Variants in XRN2 observed in about 807,000 individuals in gnomAD.
The protein encoded by XRN2 is DHM1-like protein.
A neutral mutation model predicts 138.5 loss-of-function variants in XRN2; 44 were observed. The ratio of observed to expected loss-of-function variants is 0.32; its 90% CI spans 0.25 to 0.41. XRN2 has a LOEUF of 0.41. Among genes scored for constraint, XRN2 ranks in the 10% least tolerant of loss-of-function variants. The probability of loss-of-function intolerance (pLI) is 1.00; values close to 1 mark genes in which losing one functional copy is unlikely to be tolerated. For synonymous variants in XRN2, 354 were observed against 369.4 expected (o/e 0.96, Z 0.48); for missense variants, 937 against 1,169.3 (o/e 0.80, Z 2.90).
At chr20:21,381,497 G>A (rs1042853643) in intron 27 of XRN2, among the ~76,000 whole-genome samples, 1 of 152,090 alleles carries the variant, frequency 6.6e-6, no homozygotes, top group East Asian at 1.9e-4. Flanking sequence ...TGTTTTCTTG[G>A]TTTGTGTTGG....
At chr20:21,304,681 C>G (rs2037790883) in intron 1 of XRN2, among the ~76,000 whole-genome samples, 1 of 152,114 alleles carries the variant, frequency 6.6e-6, no homozygotes, top group African/African-American at 2.4e-5. Flanking sequence ...CTATTCAGCC[C>G]TCCCTCTATA....
intron 15 of XRN2, among the ~76,000 whole-genome samples, chr20:21,343,875 T>A (rs1407491893): frequency 1.3e-5 from 2 of 152,110 alleles, no homozygotes; most frequent in Non-Finnish European, 2.9e-5. Context: ...GTTTTTAGTT[T>A]AAGCATAGAA....
intron 20 of XRN2, among the ~76,000 whole-genome samples, chr20:21,350,101 C>G (rs1477291891): frequency 1.3e-5 from 2 of 152,166 alleles, no homozygotes; most frequent in Non-Finnish European, 2.9e-5. Context: ...TGATGTTGAT[C>G]ATTACTTTTC....
At chr20:21,320,697 C>T (rs932276258) in intron 1 of XRN2, among the ~76,000 whole-genome samples, 2 of 152,026 alleles carry the variant, frequency 1.3e-5, no homozygotes, top group Non-Finnish European at 2.9e-5. Context: ...CGGGTTCAAG[C>T]GATTCTCCTG....
Position 21,356,789 on chromosome 20 carries a change from A to G in XRN2, c.2198+124A>G, listed in dbSNP as rs1164073805. ...AAAATTGTATTTAAAATAAGACAAA[A>G]CCTTGCTGACTGAAAAATGCTTGGG... On this transcript the variant is annotated intron_variant, in intron 23 of 29. Transcript: ENST00000377191. 3.5e-6 allele frequency: 3 copies of G among 854,522 alleles called. No individual in the cohort carries two copies. In the African/African-American group the frequency reaches 5.2e-5, roughly 15 times the overall value. 52.9% of individuals were successfully genotyped at this position (854,522 alleles called of 1,614,324 possible).
At chr20:21,351,219 TA>T (rs2038506707) in intron 20 of XRN2, among the ~76,000 whole-genome samples, 1 of 152,214 alleles carries the variant, frequency 6.6e-6, no homozygotes, top group Non-Finnish European at 1.5e-5. Context: ...AAAAGTGAGA[TA>T]ATGTACAAGA....
intron 1 of XRN2, among the ~76,000 whole-genome samples, chr20:21,312,739 T>C (rs1373994805): frequency 6.6e-6 from 1 of 151,794 alleles, no homozygotes; most frequent in Non-Finnish European, 1.5e-5. Context: ...CCCAAATAAC[T>C]GGGACAACCA....
chr20:21,365,607 GA>G lies in XRN2; in HGVS notation c.2364del (p.Lys788AsnfsTer34). On this transcript the variant is annotated frameshift_variant, in exon 26 of 30. Transcript: ENST00000377191. LOFTEE classifies it high-confidence loss of function. Reference sequence around the variant, plus strand: ...AGCAGTACTGAAACCTAGTGACTGGGAAAAATCCAGCAATGGACGGCAGTGG... The same window carrying G: ...AGCAGTACTGAAACCTAGTGACTGGGAAAATCCAGCAATGGACGGCAGTGG... ...PAAVLKPSDW[E>X]KSSNGRQWKP... The G allele has an allele frequency of 6.2e-7, 1 of 1,613,258 alleles. No individual in the cohort carries two copies. Among genetic ancestry groups the G allele is most frequent in the East Asian group, 2.2e-5 (1 of 44,824 alleles).
At chr20:21,360,375 C>T (rs922800851) in intron 24 of XRN2, among the ~76,000 whole-genome samples, 13 of 151,966 alleles carry the variant, frequency 8.6e-5, no homozygotes, top group South Asian at 6.2e-4. Flanking sequence ...CATAGCCTGC[C>T]GTTTATTGCT....
rs2037806348 is a variant in XRN2 at position 21,305,627 on chromosome 20, T to C, written c.75+2154T>C. On this transcript the variant is annotated intron_variant, in intron 1 of 29. Transcript: ENST00000377191. ...GCCATGTTGGCTATGCTGGTCTCTG[T>C]CCTGACCACACGTGATCCGCCTCCC... Among the ~76,000 whole-genome samples the C allele has an allele frequency of 3.1e-5, 2 of 64,782 alleles. 1 individual carries two copies. The highest frequency in any genetic ancestry group is 7.0e-5 in the Non-Finnish European group (2 of 28,548). The allele number at this position is 64,782 out of a possible 152,430, so 42.5% of individuals were successfully genotyped here.
intron 1 of XRN2, among the ~76,000 whole-genome samples, chr20:21,310,068 CTG>C (rs1261557910): frequency 5.3e-5 from 8 of 152,178 alleles, no homozygotes; most frequent in African/African-American, 1.9e-4. Flanking sequence ...TTCTTCCTCT[CTG>C]ATATAGATCT....
chr20:21,379,945 G>A (rs963462803), intron 27 of XRN2, among the ~76,000 whole-genome samples: 1 of 152,132 alleles, frequency 6.6e-6, no homozygotes, highest in East Asian at 1.9e-4. Context: ...GTTTCTGAAG[G>A]TTTCTCTTAA....
intron 20 of XRN2, 91 bp downstream of exon 20, chr20:21,349,552 G>C (rs1197416779): frequency 9.3e-7 from 1 of 1,079,660 alleles, no homozygotes; most frequent in East Asian, 2.5e-5. Context: ...ATTTTAGCCT[G>C]GGCAACATGG....
intron 28 of XRN2, among the ~76,000 whole-genome samples, chr20:21,383,867 A>G (rs1163074571): frequency 6.6e-5 from 10 of 152,362 alleles, no homozygotes; most frequent in African/African-American, 2.2e-4. Context: ...GATACTTAAA[A>G]TTATGCCTGA....
intron 29 of XRN2, among the ~76,000 whole-genome samples, chr20:21,388,772 C>T (rs6082404): frequency 6.6e-6 from 1 of 152,180 alleles, no homozygotes; most frequent in African/African-American, 2.4e-5. Flanking sequence ...GTGTAATAAC[C>T]TTAATATGTC....
chr20:21,328,242 G>C (rs574280367), intron 3 of XRN2, among the ~76,000 whole-genome samples: 2 of 152,260 alleles, frequency 1.3e-5, no homozygotes, highest in East Asian at 3.9e-4. Context: ...TTTCTTGGGT[G>C]CCCTGAATCA....
At position 21,307,111 on chromosome 20, in the gene XRN2, A is replaced by G. The variant is rs2037820438; in HGVS notation, c.75+3638A>G. Among the ~76,000 whole-genome samples the G allele has an allele frequency of 2.6e-5, 2 of 77,520 alleles. 1 individual carries two copies. The highest frequency in any genetic ancestry group is 6.1e-5 in the Non-Finnish European group (2 of 32,780). 50.9% of individuals were successfully genotyped at this position (77,520 alleles called of 152,430 possible). On this transcript the variant is annotated intron_variant, in intron 1 of 29. Transcript: ENST00000377191. ...AGGTCACTCAGCTGATAAATGTCAG[A>G]GCTAGTGTGGAAACCAGAAGGACTT...
intron 9 of XRN2, 31 bp downstream of exon 9, chr20:21,332,471 T>A (rs775295858): frequency 8.0e-4 from 1,013 of 1,269,222 alleles, no homozygotes; most frequent in Admixed American, 1.3e-3. Context: ...GTTGCCTCAT[T>A]AAAAAAAAAA....
chr20:21,371,288 G>A (rs1411146691), intron 27 of XRN2, among the ~76,000 whole-genome samples: 1 of 152,140 alleles, frequency 6.6e-6, no homozygotes, highest in Non-Finnish European at 1.5e-5. Flanking sequence ...CTCTTTCAGG[G>A]CCCTCTGTTT....
Sources: allele counts gnomAD v4.1 joint callset (sites outside exome capture counted in the v4.1 genomes callset), GRCh38; gene constraint gnomAD v4.1.1; transcripts MANE v1.5; gene names NCBI Gene and HGNC (gene_info 2026-07-23, HGNC 2026-07-21).